SNX8: variants seen among roughly 807,000 people sequenced by gnomAD.
SNX8 encodes the protein sorting nexin 8.
SNX8 carries 25 observed loss-of-function variants against 51.6 expected under a neutral mutation model. The ratio of observed to expected loss-of-function variants is 0.48; its 90% CI spans 0.35 to 0.68. SNX8 has a LOEUF of 0.68. SNX8 is among the 30% of genes least tolerant of loss of function. The pLI, the probability that SNX8 is intolerant of heterozygous loss-of-function variation, is 0.00. For missense variants in SNX8, 695 were observed against 624.0 expected (o/e 1.11, Z -1.21); for synonymous variants, 324 against 277.0 (o/e 1.17, Z -1.68).
chr7:2,313,684 A>C (rs1796704797), intron 1 of SNX8, among the ~76,000 whole-genome samples: 1 of 151,682 alleles, frequency 6.6e-6, no homozygotes, highest in African/African-American at 2.4e-5. Flanking sequence ...ACAACATAGC[A>C]AGATCCCATC....
At chr7:2,293,247 T>C (rs1258264656) in intron 1 of SNX8, among the ~76,000 whole-genome samples, 1 of 148,632 alleles carries the variant, frequency 6.7e-6, no homozygotes, top group Non-Finnish European at 1.5e-5. Context: ...CCCAAAGTGC[T>C]GGAATTACAG....
At chr7:2,328,881 C>A (rs898385202) in intron 1 of SNX8, among the ~76,000 whole-genome samples, 1 of 151,830 alleles carries the variant, frequency 6.6e-6, no homozygotes, top group Non-Finnish European at 1.5e-5. Context: ...GTCAGGAGAT[C>A]GAGACCATCC....
Position 2,287,042 on chromosome 7 carries a change from G to A in SNX8, c.95-8737C>T, listed in dbSNP as rs189830491. 9.2e-4 allele frequency among the ~76,000 whole-genome samples: 139 copies of A among 151,722 alleles called. 1 individual carries two copies. Among genetic ancestry groups the A allele is most frequent in the African/African-American group, 3.2e-3 (133 of 41,396 alleles). On this transcript the variant is annotated intron_variant, in intron 1 of 10. Transcript: ENST00000222990. ...TAATCCCAGCTACTCAGGAGGCTGA[G>A]GCAGAGAATTGCTTGAACTCAGGAG... is the stretch of plus-strand genomic sequence containing the variant.
intron 2 of SNX8, among the ~76,000 whole-genome samples, chr7:2,277,485 C>G (rs560095494): frequency 1.3e-5 from 2 of 150,592 alleles, no homozygotes; most frequent in African/African-American, 4.9e-5. Flanking sequence ...CTCTGTGGAC[C>G]GTCCGCGGGA....
intron 1 of SNX8, among the ~76,000 whole-genome samples, chr7:2,343,086 C>T (rs994738482): frequency 6.6e-6 from 1 of 151,832 alleles, no homozygotes; most frequent in East Asian, 2.0e-4. Context: ...TGAGCCACCA[C>T]GCCTGGCCTG....
intron 1 of SNX8, among the ~76,000 whole-genome samples, chr7:2,350,623 T>C (rs1287143899): frequency 6.6e-6 from 1 of 151,898 alleles, no homozygotes; most frequent in East Asian, 1.9e-4. Context: ...GGGCTAACAG[T>C]GAGACACTCT....
intron 7 of SNX8, among the ~76,000 whole-genome samples, chr7:2,262,008 G>A (rs373365822): frequency 1.3e-5 from 2 of 152,310 alleles, no homozygotes; most frequent in East Asian, 3.9e-4. Context: ...ATAGGAACTA[G>A]GCAGCAAGCT....
intron 7 of SNX8, among the ~76,000 whole-genome samples, chr7:2,259,571 C>T (rs557933038): frequency 1.1e-4 from 17 of 152,338 alleles, no homozygotes; most frequent in African/African-American, 3.1e-4. Flanking sequence ...TAAGATACCC[C>T]TTCCACCCTC....
chr7:2,268,607 A>G (rs1389405965), intron 5 of SNX8, among the ~76,000 whole-genome samples: 36 of 124,386 alleles, frequency 2.9e-4, no homozygotes, highest in African/African-American at 4.7e-4. Flanking sequence ...TGGGGGGGTC[A>G]GCCCTCCGCC....
At chr7:2,345,647 T>G (rs1303054264) in intron 1 of SNX8, among the ~76,000 whole-genome samples, 3 of 149,752 alleles carry the variant, frequency 2.0e-5, no homozygotes, top group African/African-American at 7.3e-5. Flanking sequence ...CACTACACAC[T>G]CTAGCCTGGG....
At chr7:2,257,246 C>T (rs1795209376) in intron 9 of SNX8, 119 bp downstream of exon 9, 2 of 1,290,324 alleles carry the variant, frequency 1.5e-6, no homozygotes, top group East Asian at 2.5e-5. Flanking sequence ...ACTGCACCCC[C>T]AGCTCTGTTC....
intron 1 of SNX8, among the ~76,000 whole-genome samples, chr7:2,312,803 A>C (rs1169119685): frequency 6.6e-6 from 1 of 151,566 alleles, no homozygotes; most frequent in Admixed American, 6.6e-5. Flanking sequence ...ACCCACCTAC[A>C]TCTCTTCTCT....
chr7:2,269,677 T>A (rs761112627), intron 4 of SNX8, 38 bp from the exon 5 acceptor site: 37 of 1,445,304 alleles, frequency 2.6e-5, no homozygotes, highest in Non-Finnish European at 3.3e-5. Flanking sequence ...CCTCTTCTAC[T>A]AGCAGCAAGA....
At position 2,271,855 on chromosome 7, in the gene SNX8, C is replaced by A; in HGVS notation, c.535G>T (p.Gly179Cys). Residue 179 changes from glycine to cysteine, a missense_variant, in exon 4 of 11, where the codon GGC becomes TGC. Gly to Cys is a radical substitution (Grantham distance 159). Coordinates refer to ENST00000222990, the MANE Select transcript of SNX8 (RefSeq NM_013321.4). ...VVLKLFLSFS[G>C]SDVQNKLKES... ...GGCAGGGCAGACACACTCACCGAGC[C>A]GCTGAAGGACAGGAAGAGCTTGAGG... The A allele has an allele frequency of 6.2e-7, 1 of 1,607,314 alleles. No homozygotes were observed. Among genetic ancestry groups the A allele is most frequent in the East Asian group, 2.2e-5 (1 of 44,688 alleles).
At chr7:2,326,647 CAG>C (rs887807858) in intron 1 of SNX8, among the ~76,000 whole-genome samples, 5 of 151,926 alleles carry the variant, frequency 3.3e-5, no homozygotes, top group African/African-American at 7.3e-5. Context: ...GCCTGGGCGA[CAG>C]AGTCTCACTC....
intron 3 of SNX8, among the ~76,000 whole-genome samples, chr7:2,272,665 C>A (rs926277272): frequency 6.6e-6 from 1 of 151,994 alleles, no homozygotes; most frequent in African/African-American, 2.4e-5. Context: ...CGTAAGCCAC[C>A]GCGCCCGGCC....
chr7:2,329,290 T>C (rs1043930523), intron 1 of SNX8, among the ~76,000 whole-genome samples: 1 of 149,374 alleles, frequency 6.7e-6, no homozygotes, highest in Non-Finnish European at 1.5e-5. Context: ...TAAATAAAAA[T>C]AAAAATAAAA....
At chr7:2,344,797 C>T (rs980699321) in intron 1 of SNX8, among the ~76,000 whole-genome samples, 2 of 151,870 alleles carry the variant, frequency 1.3e-5, no homozygotes, top group Middle Eastern at 3.2e-3. Context: ...CGGCGGCTCA[C>T]GCCTGTAATC....
intron 1 of SNX8, among the ~76,000 whole-genome samples, chr7:2,345,037 G>C (rs1015261748): frequency 1.3e-5 from 2 of 152,100 alleles, no homozygotes; most frequent in Non-Finnish European, 2.9e-5. Context: ...AGATACTTTG[G>C]AGAACAACTT....
Sources: gnomAD v4.1 joint callset for allele counts (sites outside exome capture counted in the v4.1 genomes callset) on GRCh38, gnomAD v4.1.1 for gene constraint, MANE v1.5 for transcripts, NCBI Gene and HGNC (gene_info 2026-07-23, HGNC 2026-07-21) for gene names.